CHCHD6: variants seen among roughly 807,000 people sequenced by gnomAD.
CHCHD6 encodes coiled-coil-helix-coiled-coil-helix domain containing 6.
In CHCHD6, 28 loss-of-function variants were observed where a neutral mutation model predicts 32.3. That is an observed-to-expected ratio of 0.87 (90% confidence interval 0.64 to 1.19). The LOEUF (loss-of-function observed/expected upper bound fraction) is 1.19. Ranked by LOEUF, CHCHD6 falls within the 50% of genes most tolerant of loss-of-function variation. The pLI, the probability that CHCHD6 is intolerant of heterozygous loss-of-function variation, is 0.00. For missense variants in CHCHD6, 333 were observed against 307.0 expected, an observed-to-expected ratio of 1.08 and a Z score of -0.63; for synonymous variants, 122 against 117.5, an observed-to-expected ratio of 1.04 and a Z score of -0.25.
At chr3:126,931,410 C>T (rs569754380) in intron 6 of CHCHD6, among the ~76,000 whole-genome samples, 2 of 152,198 alleles carry the variant, frequency 1.3e-5, no homozygotes, top group East Asian at 1.9e-4. Flanking sequence ...TCTGCAGAGC[C>T]GACCCAGCCT....
chr3:126,841,640 T>C (rs1941085361), intron 4 of CHCHD6, among the ~76,000 whole-genome samples: 1 of 152,134 alleles, frequency 6.6e-6, no homozygotes, highest in Non-Finnish European at 1.5e-5. Context: ...GCGTGGTTGC[T>C]CACGCCTGTA....
chr3:126,805,100 A>G (rs1201207491), intron 4 of CHCHD6, among the ~76,000 whole-genome samples: 2 of 152,194 alleles, frequency 1.3e-5, no homozygotes, highest in African/African-American at 4.8e-5. Flanking sequence ...TATCATACTG[A>G]ATGGGCAAAA....
chr3:126,937,835 G>A (rs181073888), intron 6 of CHCHD6, among the ~76,000 whole-genome samples: 25 of 152,096 alleles, frequency 1.6e-4, no homozygotes, highest in Admixed American at 1.6e-3. Context: ...GGGTGTGGGG[G>A]GAGATAGTAT....
chr3:126,728,550 C>T (rs901309148), intron 2 of CHCHD6, among the ~76,000 whole-genome samples: 4 of 152,148 alleles, frequency 2.6e-5, no homozygotes, highest in Non-Finnish European at 4.4e-5. Flanking sequence ...TCCAAGAAGC[C>T]CTTGTCCTTT....
At chr3:126,841,733 C>T (rs1040416767) in intron 4 of CHCHD6, among the ~76,000 whole-genome samples, 2 of 151,410 alleles carry the variant, frequency 1.3e-5, no homozygotes, top group East Asian at 1.9e-4. Flanking sequence ...AGGGAGACCC[C>T]GTCTTTCCAA....
chr3:126,713,621 T>A (rs984612058), intron 1 of CHCHD6, among the ~76,000 whole-genome samples: 3 of 152,148 alleles, frequency 2.0e-5, no homozygotes, highest in South Asian at 2.1e-4. Context: ...TCCCAGGGCT[T>A]AGTGCCCTGG....
chr3:126,863,521 A>T (rs1165614057), intron 5 of CHCHD6, among the ~76,000 whole-genome samples: 8 of 106,574 alleles, frequency 7.5e-5, no homozygotes, highest in Admixed American at 1.8e-4. Context: ...CTCCTCCTCC[A>T]CCATCACCAC....
intron 5 of CHCHD6, among the ~76,000 whole-genome samples, chr3:126,871,023 C>A (rs2077462325): frequency 6.6e-6 from 1 of 152,188 alleles, no homozygotes; most frequent in Admixed American, 6.5e-5. Flanking sequence ...TGTGATTCAT[C>A]TGGGTCAGGA....
chr3:126,767,527 A>AT (rs1937426213), intron 4 of CHCHD6: 1 of 480,238 alleles, frequency 2.1e-6, no homozygotes, highest in East Asian at 4.3e-5. Flanking sequence ...CCAGACCATG[A>AT]TTTTCCCACC....
chr3:126,732,009 T>C (rs950029981), intron 3 of CHCHD6, among the ~76,000 whole-genome samples: 1 of 150,446 alleles, frequency 6.6e-6, no homozygotes, highest in Non-Finnish European at 1.5e-5. Context: ...AGCCCAGAAG[T>C]TGGAGTTTAC....
intron 4 of CHCHD6, among the ~76,000 whole-genome samples, chr3:126,789,197 T>C (rs1379460240): frequency 1.3e-5 from 2 of 152,212 alleles, no homozygotes. Context: ...CAGTTTGTTA[T>C]AATTTCTGTT....
chr3:126,718,658 G>T (rs992740885), intron 1 of CHCHD6, among the ~76,000 whole-genome samples: 1 of 152,144 alleles, frequency 6.6e-6, no homozygotes, highest in African/African-American at 2.4e-5. Flanking sequence ...CTGGAGGGTG[G>T]GCAGAGCTCC....
At chr3:126,959,293 A>G (rs1386600791) in intron 7 of CHCHD6, among the ~76,000 whole-genome samples, 1 of 152,248 alleles carries the variant, frequency 6.6e-6, no homozygotes, top group African/African-American at 2.4e-5. Flanking sequence ...AGACTGAGCA[A>G]TGGCAGTGCC....
At chr3:126,849,825 TTCTG>T (rs1490971954) in intron 4 of CHCHD6, among the ~76,000 whole-genome samples, 1 of 152,208 alleles carries the variant, frequency 6.6e-6, no homozygotes, top group Non-Finnish European at 1.5e-5. Context: ...CCTTTTACAA[TTCTG>T]TCTGTCACAT....
intron 1 of CHCHD6, among the ~76,000 whole-genome samples, chr3:126,706,149 A>C (rs1934477701): frequency 6.6e-6 from 1 of 152,058 alleles, no homozygotes; most frequent in Admixed American, 6.5e-5. Context: ...GAATGTTGGA[A>C]AGTTAAGTTG....
intron 5 of CHCHD6, among the ~76,000 whole-genome samples, chr3:126,876,707 G>A (rs575576123): frequency 1.3e-5 from 2 of 152,238 alleles, no homozygotes; most frequent in Non-Finnish European, 2.9e-5. Context: ...TGTGAATGTC[G>A]CATCACAGAA....
In CHCHD6 at chr3:126,704,298, CT is replaced by C. The variant is rs745802050; in HGVS notation, c.-14del. On this transcript the variant is annotated 5_prime_UTR_variant, in exon 1 of 8. Coordinates refer to ENST00000290913, the MANE Select transcript of CHCHD6 (RefSeq NM_032343.3). ...GTCTCGGGTCTGGTGGCTGCCGGCC[CT>C]GCGGCATCTCGCCATGGGGAGCACG... The C allele has an allele frequency of 6.2e-7, 1 of 1,600,762 alleles. No homozygotes were observed. The highest frequency in any genetic ancestry group is 8.5e-7 in the Non-Finnish European group (1 of 1,175,746).
At chr3:126,822,961 G>A (rs1341369379) in intron 4 of CHCHD6, among the ~76,000 whole-genome samples, 3 of 151,824 alleles carry the variant, frequency 2.0e-5, no homozygotes, top group Non-Finnish European at 4.4e-5. Flanking sequence ...GCTGGAGTGC[G>A]GTGGCATGAC....
intron 4 of CHCHD6, among the ~76,000 whole-genome samples, chr3:126,797,883 G>A (rs563991331): frequency 6.6e-6 from 1 of 152,282 alleles, no homozygotes; most frequent in Admixed American, 6.5e-5. Context: ...AAAGGAAGAA[G>A]AAGAGTAACA....
Sources: gnomAD v4.1 joint callset for allele counts (sites outside exome capture counted in the v4.1 genomes callset) on GRCh38, gnomAD v4.1.1 for gene constraint, MANE v1.5 for transcripts, NCBI Gene and HGNC (gene_info 2026-07-23, HGNC 2026-07-21) for gene names.